The following RUFY4 variants were observed in gnomAD, a reference collection of about 807,000 sequenced individuals.
RUFY4 encodes RUN and FYVE domain-containing protein 4.
Under a neutral mutation model 69.0 loss-of-function variants are expected in RUFY4, and 73 were observed. The observed-to-expected ratio is 1.06, with a 90% CI of 0.88 to 1.29. The LOEUF is 1.29. RUFY4 is among the 50% of genes most tolerant of loss of function. RUFY4 has a pLI of 0.00. For missense variants in RUFY4, 770 were observed against 705.6 expected, an observed-to-expected ratio of 1.09 and a Z score of -1.03; for synonymous variants, 287 against 271.8, an observed-to-expected ratio of 1.06 and a Z score of -0.55.
chr2:218,079,547 G>A (rs1396183091), intron 8 of RUFY4, among the ~76,000 whole-genome samples: 1 of 152,172 alleles, frequency 6.6e-6, no homozygotes, highest in Non-Finnish European at 1.5e-5. Context: ...GGAGCCGCTG[G>A]GCAAGCAGTT....
At chr2:218,073,021 AG>A (rs1287826739) in intron 4 of RUFY4, 136 bp downstream of exon 6, 1 of 950,188 alleles carries the variant, frequency 1.1e-6, no homozygotes, top group African/African-American at 1.7e-5. Context: ...GGAAAAATCA[AG>A]GGAGAAAGGG....
At chr2:218,073,279 A>C in exon 5 of RUFY4, 1 of 1,553,360 alleles carries the variant, frequency 6.4e-7, no homozygotes, top group Middle Eastern at 1.7e-4. Context: ...TGCTCTGCCC[A>C]GAACGCCAAG....
intron 2 of RUFY4, among the ~76,000 whole-genome samples, chr2:218,054,464 A>G (rs551535952): frequency 2.0e-5 from 3 of 151,928 alleles, no homozygotes; most frequent in Non-Finnish European, 4.4e-5. Flanking sequence ...CTGAAGCACA[A>G]GAATTGTTTG....
At chr2:218,047,041 T>TAAAA (rs201363231) in intron 2 of RUFY4, among the ~76,000 whole-genome samples, 3 of 123,246 alleles carry the variant, frequency 2.4e-5, no homozygotes, top group Non-Finnish European at 5.3e-5. Context: ...TCATTGTGGT[T>TAAAA]AAAAAAAAAA....
chr2:218,042,995 G>A (rs1688735201), intron 2 of RUFY4, among the ~76,000 whole-genome samples: 1 of 152,178 alleles, frequency 6.6e-6, no homozygotes, highest in Non-Finnish European at 1.5e-5. Flanking sequence ...TGTGGCCAGT[G>A]GTGCCTTTGC....
At chr2:218,054,167 A>G (rs1477453307) in intron 2 of RUFY4, among the ~76,000 whole-genome samples, 1 of 152,208 alleles carries the variant, frequency 6.6e-6, no homozygotes, top group Non-Finnish European at 1.5e-5. Context: ...AGTTTTTATC[A>G]TCTACTGTGT....
upstream of RUFY4, among the ~76,000 whole-genome samples, chr2:218,065,233 C>T (rs1689295999): frequency 6.6e-6 from 1 of 152,140 alleles, no homozygotes; most frequent in Non-Finnish European, 1.5e-5. Flanking sequence ...CCACTGCAGG[C>T]AGGGCATCAG....
chr2:218,040,039 C>G (rs1959039862), intron 2 of RUFY4, among the ~76,000 whole-genome samples: 1 of 152,188 alleles, frequency 6.6e-6, no homozygotes, highest in African/African-American at 2.4e-5. Flanking sequence ...AAATCCTTCC[C>G]CCTTTATTCT....
At chr2:218,054,999 A>T in intron 2 of RUFY4, among the ~76,000 whole-genome samples, 1 of 152,248 alleles carries the variant, frequency 6.6e-6, no homozygotes, top group East Asian at 1.9e-4. Context: ...TATCAGGGTT[A>T]GATGAAGTTA....
At chr2:218,075,227 T>G in exon 7 of RUFY4, 1 of 1,565,028 alleles carries the variant, frequency 6.4e-7, no homozygotes, top group Non-Finnish European at 8.7e-7. Context: ...AAAGGCATCT[T>G]CCTTTCTTTT....
intron 3 of RUFY4, among the ~76,000 whole-genome samples, chr2:218,063,068 C>T (rs548684513): frequency 1.8e-4 from 28 of 152,376 alleles, no homozygotes; most frequent in Non-Finnish European, 3.5e-4. Context: ...AGAGATCCCG[C>T]TCTGGGGAAG....
intron 3 of RUFY4, among the ~76,000 whole-genome samples, chr2:218,062,677 C>G (rs533545567): frequency 3.0e-4 from 45 of 152,224 alleles, no homozygotes; most frequent in African/African-American, 1.1e-3. Flanking sequence ...CACTGCTGTG[C>G]TCCAGCCTGG....
At chr2:218,076,293 C>T in intron 7 of RUFY4, 134 bp from the exon 10 acceptor site, 1 of 1,386,022 alleles carries the variant, frequency 7.2e-7, no homozygotes, top group East Asian at 2.8e-5. Context: ...CCAGGCATCA[C>T]AGCTCCCAGC....
At chr2:218,080,161 G>C (rs960012823) in intron 8 of RUFY4, among the ~76,000 whole-genome samples, 1 of 152,196 alleles carries the variant, frequency 6.6e-6, no homozygotes, top group Non-Finnish European at 1.5e-5. Flanking sequence ...CGGCAGAGCC[G>C]GAGCCAGGGG....
intron 2 of RUFY4, among the ~76,000 whole-genome samples, chr2:218,049,689 G>T (rs567384886): frequency 1.0e-3 from 154 of 152,118 alleles, no homozygotes; most frequent in Non-Finnish European, 6.5e-4. Flanking sequence ...TGTATTTTTA[G>T]TAGTGACGGG....
At chr2:218,067,010 T>C (rs144260936), upstream of RUFY4, among the ~76,000 whole-genome samples, 1 of 152,262 alleles carries the variant, frequency 6.6e-6, no homozygotes, top group Non-Finnish European at 1.5e-5. Context: ...TTACGAAATA[T>C]TTCAACACGC....
chr2:218,052,006 T>C (rs975008184), intron 2 of RUFY4, among the ~76,000 whole-genome samples: 1 of 152,222 alleles, frequency 6.6e-6, no homozygotes, highest in Non-Finnish European at 1.5e-5. Context: ...ATTTCCTTTC[T>C]CAAGGTAGAG....
chr2:218,081,146 C>T (rs1166100989), intron 8 of RUFY4, among the ~76,000 whole-genome samples: 1 of 152,158 alleles, frequency 6.6e-6, no homozygotes, highest in Non-Finnish European at 1.5e-5. Context: ...TTCAGGGGCT[C>T]CCCATTTCAC....
intron 8 of RUFY4, among the ~76,000 whole-genome samples, chr2:218,077,548 G>A (rs575830113): frequency 6.6e-6 from 1 of 152,222 alleles, no homozygotes; most frequent in East Asian, 1.9e-4. Flanking sequence ...GAGATCTTCC[G>A]TGGCCTGACT....
Sources: gnomAD v4.1 joint callset for allele counts (sites outside exome capture counted in the v4.1 genomes callset) on GRCh38, gnomAD v4.1.1 for gene constraint, MANE v1.5 for transcripts, NCBI Gene and HGNC (gene_info 2026-07-23, HGNC 2026-07-21) for gene names.